NKAIN3: variants seen among roughly 807,000 people sequenced by gnomAD.
NKAIN3 encodes sodium/potassium transporting ATPase interacting 3.
Under a neutral mutation model 30.2 loss-of-function variants are expected in NKAIN3, and 25 were observed. The observed-to-expected ratio is 0.83, with a 90% CI of 0.60 to 1.16. The LOEUF (loss-of-function observed/expected upper bound fraction) is 1.16, where lower values mean the gene tolerates loss of function less well. NKAIN3 is among the 50% of genes most tolerant of loss of function. The probability of loss-of-function intolerance (pLI) is 0.00; values close to 1 mark genes in which losing one functional copy is unlikely to be tolerated. For missense variants in NKAIN3, 225 were observed against 254.1 expected (o/e 0.89, Z 0.78); for synonymous variants, 91 against 89.6 (o/e 1.02, Z -0.09).
chr8:62,649,040 G>A (rs1189584681), intron 3 of NKAIN3, among the ~76,000 whole-genome samples: 1 of 152,206 alleles, frequency 6.6e-6, no homozygotes, highest in Admixed American at 6.5e-5. Flanking sequence ...TGGATAATGT[G>A]TAAACTGGGT....
At chr8:62,492,626 G>C (rs12115025) in intron 1 of NKAIN3, among the ~76,000 whole-genome samples, 5,641 of 152,136 alleles carry the variant, frequency 0.037, 378 homozygotes, top group African/African-American at 0.13. Context: ...GTTCTTACTT[G>C]TTACTTCGCA....
chr8:62,703,237 A>G (rs1421839436), intron 3 of NKAIN3, among the ~76,000 whole-genome samples: 1 of 152,168 alleles, frequency 6.6e-6, no homozygotes, highest in Non-Finnish European at 1.5e-5. Context: ...AAGTAATAGC[A>G]CTGCTTAATC....
At position 62,320,302 on chromosome 8, in the gene NKAIN3, T is replaced by C. The variant is rs148367903; in HGVS notation, c.54+71175T>C. 5.7e-3 allele frequency among the ~76,000 whole-genome samples: 875 copies of C among 152,302 alleles called. 5 individuals carry two copies. The highest frequency in any genetic ancestry group is 0.02 in the African/African-American group (823 of 41,560). ...TCTTTATCCAATTTGCCAGTCTGTG[T>C]CATCTGATTGGAGCATTTAGCCCAT... is the stretch of plus-strand genomic sequence containing the variant. On this transcript the variant is annotated intron_variant, in intron 1 of 6. Coordinates refer to ENST00000623646, the MANE Select transcript of NKAIN3 (RefSeq NM_001304533.3).
At chr8:62,493,503 T>C (rs1807138513) in intron 1 of NKAIN3, among the ~76,000 whole-genome samples, 1 of 152,122 alleles carries the variant, frequency 6.6e-6, no homozygotes, top group Non-Finnish European at 1.5e-5. Flanking sequence ...CCTTGGTTAT[T>C]CAGACTTTCT....
At chr8:62,643,018 G>A (rs1041118133) in intron 3 of NKAIN3, among the ~76,000 whole-genome samples, 1 of 151,972 alleles carries the variant, frequency 6.6e-6, no homozygotes, top group African/African-American at 2.4e-5. Context: ...AGCATTTTTT[G>A]GTTCTAGAAA....
chr8:62,260,371 ATTG>A (rs1812399594), intron 1 of NKAIN3, among the ~76,000 whole-genome samples: 1 of 152,186 alleles, frequency 6.6e-6, no homozygotes, highest in Non-Finnish European at 1.5e-5. Context: ...GGATATATAA[ATTG>A]TTGTTAATGA....
chr8:62,387,304 TG>T (rs77155705), intron 1 of NKAIN3, among the ~76,000 whole-genome samples: 20,911 of 151,104 alleles, frequency 0.14, 1,724 homozygotes, highest in East Asian at 0.4. Flanking sequence ...GAGTTTCGGA[TG>T]GAGTTGTTAT....
At chr8:62,322,468 C>T (rs985182817) in intron 1 of NKAIN3, among the ~76,000 whole-genome samples, 25 of 152,106 alleles carry the variant, frequency 1.6e-4, no homozygotes, top group Admixed American at 1.2e-3. Context: ...CATCTTGGCT[C>T]CACCCCAGGA....
At position 62,481,691 on chromosome 8, in the gene NKAIN3, T is replaced by A. The variant is rs190080453; in HGVS notation, c.55-97848T>A. 1.3e-4 allele frequency among the ~76,000 whole-genome samples: 20 copies of A among 152,250 alleles called. No homozygotes were observed. The East Asian group carries it at 1.7e-3, about 13-fold the overall frequency. The stretch of plus-strand genomic sequence containing the variant: ...AGAAATCGATACCAATAACCAAGAC[T>A]TAAAAATAATTTCCCCTTCTCTTTA... On this transcript the variant is annotated intron_variant, in intron 1 of 6. Coordinates refer to ENST00000623646, the MANE Select transcript of NKAIN3 (RefSeq NM_001304533.3).
At chr8:62,379,666 C>T (rs1284687793) in intron 1 of NKAIN3, among the ~76,000 whole-genome samples, 1 of 150,918 alleles carries the variant, frequency 6.6e-6, no homozygotes, top group East Asian at 2.1e-4. Flanking sequence ...GTGCCTTCTG[C>T]TATGACTGTA....
intron 1 of NKAIN3, among the ~76,000 whole-genome samples, chr8:62,377,250 C>T (rs956536221): frequency 6.6e-6 from 1 of 152,084 alleles, no homozygotes; most frequent in African/African-American, 2.4e-5. Context: ...GTATCTACTA[C>T]ACACACACAG....
intron 4 of NKAIN3, among the ~76,000 whole-genome samples, chr8:62,750,482 C>T (rs1456048906): frequency 2.0e-5 from 3 of 152,164 alleles, no homozygotes; most frequent in Non-Finnish European, 4.4e-5. Context: ...GGCGGGGTTC[C>T]TTACCAGGCT....
At chr8:62,438,561 C>T (rs934167888) in intron 1 of NKAIN3, among the ~76,000 whole-genome samples, 4 of 152,022 alleles carry the variant, frequency 2.6e-5, no homozygotes, top group Non-Finnish European at 4.4e-5. Context: ...TCATGAATAG[C>T]CACTATTTTT....
intron 1 of NKAIN3, among the ~76,000 whole-genome samples, chr8:62,298,214 C>G (rs1220697164): frequency 1.3e-5 from 2 of 151,804 alleles, no homozygotes; most frequent in African/African-American, 2.4e-5. Context: ...GGAGATATAT[C>G]TAATGCTAAA....
intron 4 of NKAIN3, among the ~76,000 whole-genome samples, chr8:62,917,804 A>C (rs984339089): frequency 6.6e-6 from 1 of 152,196 alleles, no homozygotes; most frequent in African/African-American, 2.4e-5. Context: ...TGGAATAAAA[A>C]TCGTCCTCTT....
chr8:62,425,128 G>A (rs138370837), intron 1 of NKAIN3, among the ~76,000 whole-genome samples: 1 of 151,790 alleles, frequency 6.6e-6, no homozygotes, highest in Non-Finnish European at 1.5e-5. Flanking sequence ...GGGTCTGAAT[G>A]GGAGGAGAAA....
chr8:62,295,454 TG>T (rs1383871447), intron 1 of NKAIN3, among the ~76,000 whole-genome samples: 1 of 152,174 alleles, frequency 6.6e-6, no homozygotes. Flanking sequence ...CCTCACATCA[TG>T]GTTTGAATCC....
At chr8:62,921,919 T>A (rs1340370732) in intron 5 of NKAIN3, among the ~76,000 whole-genome samples, 3 of 152,238 alleles carry the variant, frequency 2.0e-5, no homozygotes, top group African/African-American at 7.2e-5. Context: ...TTTACTTGTA[T>A]CAATACTGCC....
intron 3 of NKAIN3, among the ~76,000 whole-genome samples, chr8:62,681,941 G>T (rs1031916806): frequency 1.2e-4 from 18 of 152,158 alleles, no homozygotes; most frequent in Admixed American, 4.6e-4. Flanking sequence ...AAGAAACCAG[G>T]TTTTTAAAGA....
Sources: gnomAD v4.1 joint callset for allele counts (sites outside exome capture counted in the v4.1 genomes callset) on GRCh38, gnomAD v4.1.1 for gene constraint, MANE v1.5 for transcripts, NCBI Gene and HGNC (gene_info 2026-07-23, HGNC 2026-07-21) for gene names.